The following PCDHGA4 variants were observed in gnomAD, a reference collection of about 807,000 sequenced individuals.
PCDHGA4 encodes protocadherin gamma-A4.
Under a neutral mutation model 54.6 loss-of-function variants are expected in PCDHGA4, and 38 were observed. That is an observed-to-expected ratio of 0.70 (90% CI 0.54 to 0.91). The LOEUF (loss-of-function observed/expected upper bound fraction) is 0.91, where lower values mean the gene tolerates loss of function less well. Ranked by LOEUF, PCDHGA4 falls within the 40% of genes least tolerant of loss-of-function variation. The probability of loss-of-function intolerance (pLI) is 0.00; values close to 1 mark genes in which losing one functional copy is unlikely to be tolerated. For synonymous variants in PCDHGA4, 511 were observed against 512.9 expected, an observed-to-expected ratio of 1.00 and a Z score of 0.05; for missense variants, 1,298 against 1,220.9, an observed-to-expected ratio of 1.06 and a Z score of -0.94.
chr5:141,431,008 C>T lies in PCDHGA4; in HGVS notation c.2515-63799C>T. The T allele has an allele frequency of 6.2e-7, 1 of 1,614,118 alleles. No individual in the cohort carries two copies. The highest frequency in any genetic ancestry group is 1.1e-5 in the South Asian group (1 of 91,076). ...TCGCCCTGAATCCGCGCAGCGGCAG[C>T]TTGGTCACGGCGGGCAGGATAGACC... On this transcript the variant is annotated intron_variant, in intron 1 of 3. Transcript: ENST00000571252. This position sits in a 1 kb window ranked among gnomAD's most constrained non-coding sequence, Gnocchi z 4.8.
In PCDHGA4 at chr5:141,399,858, T is replaced by G. The variant is rs1003401029; in HGVS notation, c.2514+42237T>G. On this transcript the variant is annotated intron_variant, in intron 1 of 3. Transcript: ENST00000571252. The stretch of plus-strand genomic sequence containing the variant: ...CGCTCTTCGATATGGTGCCGCGCGC[T>G]GCAGAGCCCGGCTACCTGGTGACCA... The G allele has an allele frequency of 3.7e-6, 6 of 1,612,764 alleles. No individual in the cohort carries two copies. In the African/African-American group the frequency reaches 6.7e-5, roughly 18 times the overall value.
At chr5:141,375,529 C>A (rs370346410) in intron 1 of PCDHGA4, 3 of 1,614,026 alleles carry the variant, frequency 1.9e-6, no homozygotes, top group African/African-American at 1.3e-5. Flanking sequence ...CTGACGTGGA[C>A]CAGAACGCCC....
In PCDHGA4 at chr5:141,438,591, C is replaced by T. The variant is rs12717894; in HGVS notation, c.2515-56216C>T. 3.5e-3 allele frequency among the ~76,000 whole-genome samples: 262 copies of T among 75,376 alleles called. 1 individual carries two copies. The highest frequency in any genetic ancestry group is 4.5e-3 in the Non-Finnish European group (168 of 37,204). 49.4% of individuals were successfully genotyped at this position (75,376 alleles called of 152,430 possible). ...TCTGATATACATACATACATACATA[C>T]ATATATATATATATATATATATATA... On this transcript the variant is annotated intron_variant, in intron 1 of 3. Transcript: ENST00000571252.
chr5:141,478,418 C>A, intron 1 of PCDHGA4: 1 of 1,613,650 alleles, frequency 6.2e-7, no homozygotes, highest in Non-Finnish European at 8.5e-7. Context: ...GGACTCCCGC[C>A]GCAGCGACCC....
chr5:141,361,618 G>C, intron 1 of PCDHGA4: 1 of 1,613,956 alleles, frequency 6.2e-7, no homozygotes, highest in Non-Finnish European at 8.5e-7. Context: ...CGTAGCGAGC[G>C]ACCTGAAGCC....
intron 1 of PCDHGA4, chr5:141,423,616 G>A: frequency 6.2e-7 from 1 of 1,609,594 alleles, no homozygotes; most frequent in Admixed American, 1.7e-5. Context: ...GATAGCTGAA[G>A]ACTCAGCTAT....
At chr5:141,400,665 G>C (rs1463001564) in intron 1 of PCDHGA4, 5 of 984,364 alleles carry the variant, frequency 5.1e-6, no homozygotes, top group Non-Finnish European at 7.6e-6. Flanking sequence ...CATTCTTTAA[G>C]AGGAGCAGTA....
At chr5:141,430,752 A>C (rs772436100) in intron 1 of PCDHGA4, 1 of 1,501,400 alleles carries the variant, frequency 6.7e-7, no homozygotes, top group East Asian at 2.3e-5. Context: ...TTCTGGAGGA[A>C]GATAAGAATG....
chr5:141,398,383 G>C, intron 1 of PCDHGA4: 4 of 1,451,918 alleles, frequency 2.8e-6, no homozygotes, highest in Non-Finnish European at 2.9e-6. Context: ...GGAGTTGCTT[G>C]TGAGCAGCAG....
chr5:141,375,643 CGACTAT>C, intron 1 of PCDHGA4: 1 of 1,614,210 alleles, frequency 6.2e-7, no homozygotes, highest in Non-Finnish European at 8.5e-7. Context: ...TGCGCTCCTT[CGACTAT>C]GAGCAGTTGA....
intron 1 of PCDHGA4, among the ~76,000 whole-genome samples, chr5:141,473,298 A>G (rs1033516450): frequency 1.3e-5 from 2 of 152,244 alleles, no homozygotes; most frequent in Non-Finnish European, 2.9e-5. Context: ...AGTAGCATAA[A>G]GATTGCTATA....
intron 1 of PCDHGA4, among the ~76,000 whole-genome samples, chr5:141,472,590 C>G (rs1161871973): frequency 6.6e-6 from 1 of 151,908 alleles, no homozygotes; most frequent in African/African-American, 2.4e-5. Flanking sequence ...GTCAGAAGCT[C>G]TCTTGAAATT....
At chr5:141,427,509 G>T in intron 1 of PCDHGA4, 1 of 588,640 alleles carries the variant, frequency 1.7e-6, no homozygotes, top group Non-Finnish European at 3.2e-6. Flanking sequence ...TGGGACCCTG[G>T]ATTGGGAGCG....
chr5:141,481,317 C>T (rs2099535550), intron 1 of PCDHGA4, among the ~76,000 whole-genome samples: 1 of 152,182 alleles, frequency 6.6e-6, no homozygotes, highest in African/African-American at 2.4e-5. Context: ...CTTCCTAAAG[C>T]ACTAGCCCCT....
chr5:141,376,675 C>CTT, intron 1 of PCDHGA4: 16 of 345,018 alleles, frequency 4.6e-5, no homozygotes, highest in Non-Finnish European at 6.4e-5. Context: ...GTGAGGGTAT[C>CTT]GTTTTTTTTT....
chr5:141,461,732 A>G (rs945368729), intron 1 of PCDHGA4, among the ~76,000 whole-genome samples: 5 of 152,154 alleles, frequency 3.3e-5, no homozygotes, highest in Non-Finnish European at 5.9e-5. Context: ...GTGCAGTGGC[A>G]CAATCCCGGC....
chr5:141,428,846 A>G (rs936271540), intron 1 of PCDHGA4: 1 of 143,414 alleles, frequency 7.0e-6, no homozygotes, highest in Non-Finnish European at 1.5e-5. Flanking sequence ...CATTTTCACC[A>G]TTTTTACGGG....
intron 3 of PCDHGA4, among the ~76,000 whole-genome samples, chr5:141,509,437 C>T (rs923580110): frequency 2.6e-5 from 4 of 152,104 alleles, no homozygotes; most frequent in African/African-American, 9.7e-5. Context: ...ACTCTTGTTT[C>T]CTCCTCTCCC....
chr5:141,420,934 C>T, intron 1 of PCDHGA4: 1 of 377,936 alleles, frequency 2.6e-6, no homozygotes, highest in South Asian at 5.3e-5. Context: ...TGAGCGTAAT[C>T]ATTTCTTCTG....
Sources: gnomAD v4.1 joint callset for allele counts (sites outside exome capture counted in the v4.1 genomes callset) on GRCh38, gnomAD v4.1.1 for gene constraint, Gnocchi (gnomAD v3.1) non-coding constraint, MANE v1.5 for transcripts, NCBI Gene and HGNC (gene_info 2026-07-23, HGNC 2026-07-21) for gene names.